The following ADAMTS17 variants were observed in gnomAD, a reference collection of about 807,000 sequenced individuals.
The protein encoded by ADAMTS17 is ADAM metallopeptidase with thrombospondin type 1 motif 17.
A neutral mutation model predicts 141.5 loss-of-function variants in ADAMTS17; 113 were observed. That is an observed-to-expected ratio of 0.80 (90% CI 0.69 to 0.93). The LOEUF is 0.93. Ranked by LOEUF, ADAMTS17 falls within the 40% of genes least tolerant of loss-of-function variation. The pLI, the probability that ADAMTS17 is intolerant of heterozygous loss-of-function variation, is 0.00. For synonymous variants in ADAMTS17, 768 were observed against 630.6 expected (o/e 1.22, Z -3.27); for missense variants, 1,659 against 1,517.9 (o/e 1.09, Z -1.54).
At chr15:100,306,599 G>C (rs140724628) in intron 3 of ADAMTS17, 1 of 455,534 alleles carries the variant, frequency 2.2e-6, no homozygotes, top group East Asian at 6.9e-5. Flanking sequence ...TATGTCCACC[G>C]TGCCTTGTCA....
intron 7 of ADAMTS17, among the ~76,000 whole-genome samples, chr15:100,212,209 A>G (rs2041831072): frequency 6.6e-6 from 1 of 152,174 alleles, no homozygotes; most frequent in East Asian, 1.9e-4. Flanking sequence ...TGCTGCAACC[A>G]AGTAGGAGAA....
chr15:100,141,058 TCA>T (rs2038623009), intron 10 of ADAMTS17, among the ~76,000 whole-genome samples: 1 of 152,180 alleles, frequency 6.6e-6, no homozygotes, highest in Non-Finnish European at 1.5e-5. Context: ...CGGTGGAAAG[TCA>T]CAGTCCGTGC....
At chr15:99,982,732 C>T (rs2060506495) in intron 20 of ADAMTS17, among the ~76,000 whole-genome samples, 1 of 152,194 alleles carries the variant, frequency 6.6e-6, no homozygotes, top group Non-Finnish European at 1.5e-5. Flanking sequence ...TGTGGCTTCC[C>T]AAGATGCAGG....
At chr15:100,216,482 A>G (rs1347440597) in intron 7 of ADAMTS17, among the ~76,000 whole-genome samples, 1 of 152,146 alleles carries the variant, frequency 6.6e-6, no homozygotes, top group Non-Finnish European at 1.5e-5. Flanking sequence ...ATCAGAGGCC[A>G]CTCTCTTTAT....
At chr15:100,210,005 C>T (rs748925848) in intron 7 of ADAMTS17, among the ~76,000 whole-genome samples, 1 of 152,008 alleles carries the variant, frequency 6.6e-6, no homozygotes, top group Non-Finnish European at 1.5e-5. Flanking sequence ...TGGTGGTCCG[C>T]GGGCAGATCA....
chr15:100,184,084 C>G (rs536678151), intron 8 of ADAMTS17, among the ~76,000 whole-genome samples: 2 of 152,254 alleles, frequency 1.3e-5, no homozygotes, highest in East Asian at 3.9e-4. Flanking sequence ...CCACCAGTGT[C>G]CTGGTTGTGG....
chr15:100,330,868 C>T, intron 3 of ADAMTS17, 21 bp downstream of exon 3: 1 of 1,613,444 alleles, frequency 6.2e-7, no homozygotes, highest in Non-Finnish European at 8.5e-7. Flanking sequence ...CTAAGCTGGT[C>T]ATGCTGCTGC....
At chr15:100,340,991 C>T in intron 2 of ADAMTS17, 48 bp downstream of exon 2, 1 of 1,521,738 alleles carries the variant, frequency 6.6e-7, no homozygotes, top group South Asian at 1.2e-5. Flanking sequence ...GACCACTCTG[C>T]GTCGCAACAG....
At chr15:100,029,294 CA>C (rs1276753442) in intron 18 of ADAMTS17, among the ~76,000 whole-genome samples, 3 of 152,202 alleles carry the variant, frequency 2.0e-5, no homozygotes, top group Non-Finnish European at 4.4e-5. Flanking sequence ...AATATCTTCT[CA>C]AAACATAGGG....
intron 14 of ADAMTS17, among the ~76,000 whole-genome samples, chr15:100,098,288 G>C (rs1034076995): frequency 6.6e-6 from 1 of 152,156 alleles, no homozygotes; most frequent in East Asian, 1.9e-4. Context: ...CTGGAGCGCA[G>C]TGCAGGGCTG....
intron 15 of ADAMTS17, among the ~76,000 whole-genome samples, chr15:100,074,463 CTT>C (rs1340091298): frequency 2.0e-5 from 3 of 152,082 alleles, no homozygotes; most frequent in African/African-American, 7.2e-5. Context: ...ACTGCATGCT[CTT>C]TCAGCATCTA....
intron 19 of ADAMTS17, among the ~76,000 whole-genome samples, chr15:99,994,900 A>C (rs1045137489): frequency 1.3e-5 from 2 of 152,202 alleles, no homozygotes; most frequent in Non-Finnish European, 2.9e-5. Context: ...TCTTTGTCTA[A>C]AGATCCCATG....
At chr15:100,211,016 C>A (rs913467474) in intron 7 of ADAMTS17, among the ~76,000 whole-genome samples, 1 of 151,780 alleles carries the variant, frequency 6.6e-6, no homozygotes, top group African/African-American at 2.4e-5. Flanking sequence ...AGGAGAATGG[C>A]GTGAATCTGG....
chr15:100,297,832 A>G (rs530019457), intron 3 of ADAMTS17, among the ~76,000 whole-genome samples: 1 of 152,324 alleles, frequency 6.6e-6, no homozygotes, highest in African/African-American at 2.4e-5. Context: ...CCTCAAAACC[A>G]CATGGCTAGA....
intron 7 of ADAMTS17, among the ~76,000 whole-genome samples, chr15:100,231,603 G>A (rs1038023317): frequency 6.6e-6 from 1 of 152,172 alleles, no homozygotes; most frequent in African/African-American, 2.4e-5. Flanking sequence ...TCAGACTTGG[G>A]ATAAAAAGGC....
chr15:100,308,169 C>T (rs1403713055), intron 3 of ADAMTS17, among the ~76,000 whole-genome samples: 1 of 152,218 alleles, frequency 6.6e-6, no homozygotes, highest in African/African-American at 2.4e-5. Flanking sequence ...ACGGTCTCCG[C>T]TTTTTCTCCC....
intron 18 of ADAMTS17, among the ~76,000 whole-genome samples, chr15:100,002,278 C>G: frequency 6.6e-6 from 1 of 152,018 alleles, no homozygotes; most frequent in East Asian, 1.9e-4. Flanking sequence ...CTGACCCCAG[C>G]TGTGAAAACG....
chr15:100,288,939 G>A (rs2044538477), intron 3 of ADAMTS17, among the ~76,000 whole-genome samples: 1 of 152,024 alleles, frequency 6.6e-6, no homozygotes, highest in South Asian at 2.1e-4. Context: ...CACACCTTGA[G>A]GAACTAGAAA....
intron 2 of ADAMTS17, chr15:100,338,916 T>C: frequency 1.0e-6 from 1 of 982,842 alleles, no homozygotes; most frequent in South Asian, 4.7e-5. Flanking sequence ...TTCTTTTCTT[T>C]ACGCTTTCAG....
Sources: allele counts gnomAD v4.1 joint callset (sites outside exome capture counted in the v4.1 genomes callset), GRCh38; gene constraint gnomAD v4.1.1; transcripts MANE v1.5; gene names NCBI Gene and HGNC (gene_info 2026-07-23, HGNC 2026-07-21).